ASAP3: variants seen among roughly 807,000 people sequenced by gnomAD.
ASAP3 encodes the protein ArfGAP with SH3 domain, ankyrin repeat and PH domain 3.
ASAP3 carries 85 observed loss-of-function variants against 118.2 expected under a neutral mutation model. That is an observed-to-expected ratio of 0.72 (90% CI 0.60 to 0.86). The LOEUF is 0.86. Ranked by LOEUF, ASAP3 falls within the 40% of genes least tolerant of loss-of-function variation. The pLI is 0.00. For synonymous variants in ASAP3, 432 were observed against 477.4 expected (o/e 0.90, Z 1.24); for missense variants, 1,026 against 1,175.0 (o/e 0.87, Z 1.85).
chr1:23,459,453 G>C (rs12083126), intron 1 of ASAP3, among the ~76,000 whole-genome samples: 5 of 152,022 alleles, frequency 3.3e-5, no homozygotes, highest in Non-Finnish European at 5.9e-5. Flanking sequence ...AGCCAGAGTC[G>C]ACAGACACCT....
chr1:23,438,226 T>A lies in ASAP3; in HGVS notation c.1102+521A>T, dbSNP rs950709602. 6.6e-6 allele frequency among the ~76,000 whole-genome samples: 1 copy of A among 152,086 alleles called. No individual in the cohort carries two copies. The highest frequency in any genetic ancestry group is 1.5e-5 in the Non-Finnish European group (1 of 68,006). ...CAGTGCAGGCCTTCCTGCTCCCTAA[T>A]CTTCTATGGGGCTATATCTGCACCC... On this transcript the variant is annotated intron_variant, in intron 12 of 24. Transcript: ENST00000336689. The surrounding 1 kb of genome is among the most constrained non-coding windows in gnomAD (Gnocchi z 4.9).
chr1:23,435,780 C>T (rs1570332239), intron 17 of ASAP3, 71 bp downstream of exon 17: 3 of 1,566,578 alleles, frequency 1.9e-6, no homozygotes, highest in East Asian at 4.5e-5. Context: ...GGAGTAACAG[C>T]TGGTCCTGGA....
intron 1 of ASAP3, among the ~76,000 whole-genome samples, chr1:23,478,832 G>A (rs749878855): frequency 2.0e-5 from 3 of 152,174 alleles, no homozygotes; most frequent in Non-Finnish European, 4.4e-5. Flanking sequence ...TTCTATACCT[G>A]AGAGTATGCA....
At chr1:23,483,075 G>A (rs1043453832) in intron 1 of ASAP3, among the ~76,000 whole-genome samples, 2 of 152,044 alleles carry the variant, frequency 1.3e-5, no homozygotes, top group South Asian at 2.1e-4. Flanking sequence ...CCTGACAAGA[G>A]AGAAGAGGAC....
chr1:23,437,401 G>A lies in ASAP3; in HGVS notation c.1151+23C>T. 2 of 1,613,170 alleles carry A rather than the reference G, an allele frequency of 1.2e-6. No homozygotes were observed. The highest frequency in any genetic ancestry group is 1.1e-5 in the South Asian group (1 of 91,006). On this transcript the variant is annotated intron_variant, in intron 13 of 24. Transcript: ENST00000336689. This position sits in a 1 kb window ranked among gnomAD's most constrained non-coding sequence, Gnocchi z 6.1. ...CCGGCCCCCACCCACAAGGCTGGCC[G>A]GGCTGGCCGAGGGGGCACTCACGCC...
intron 5 of ASAP3, among the ~76,000 whole-genome samples, chr1:23,447,394 G>A (rs1641080892): frequency 6.6e-6 from 1 of 152,098 alleles, no homozygotes; most frequent in African/African-American, 2.4e-5. Context: ...TTTTATCATA[G>A]GTACGTATAT....
Position 23,441,682 on chromosome 1 carries a change from G to A in ASAP3, c.720C>T (p.Ile240=), listed in dbSNP as rs756017345. ...WKAAQSLFPF[I]EKLAASVHAL... ...CATGTACTGAGGCCGCCAGCTTCTCGATGAAGGGGAACAGGCTCTGGGCAG... is the reference window on the plus strand; with the variant it reads ...CATGTACTGAGGCCGCCAGCTTCTCAATGAAGGGGAACAGGCTCTGGGCAG... Residue 240 remains isoleucine, a synonymous_variant, in exon 8 of 25, where the codon ATC becomes ATT. Transcript: ENST00000336689. 7.4e-6 allele frequency: 12 copies of A among 1,614,186 alleles called. No homozygotes were observed. The highest frequency in any genetic ancestry group is 1.3e-5 in the African/African-American group (1 of 75,036).
In ASAP3 at chr1:23,434,558, G is replaced by C; in HGVS notation, c.1810C>G (p.Leu604Val). ...CCGTTCTGGATGATGAAATCCACCA[G>C]AGGCAGGGAAGCCTGGTTGGCGACT... ...VKVANQASLP[L>V]VDFIIQNGGH... The change falls in exon 18 of 25, where the codon CTG (leucine) becomes GTG (valine). Residue 604 changes from leucine to valine, a missense_variant. Coordinates refer to ENST00000336689, the MANE Select transcript of ASAP3 (RefSeq NM_017707.4). The C allele has an allele frequency of 6.2e-7, 1 of 1,614,136 alleles. No homozygotes were observed. Among genetic ancestry groups the C allele is most frequent in the South Asian group, 1.1e-5 (1 of 91,068 alleles).
chr1:23,441,507 C>T, intron 8 of ASAP3, 34 bp from the exon 9 acceptor site: 1 of 1,612,252 alleles, frequency 6.2e-7, no homozygotes. Context: ...CATCACCAGC[C>T]AACAAATATG....
At chr1:23,475,505 C>A (rs1642099694) in intron 1 of ASAP3, among the ~76,000 whole-genome samples, 1 of 152,216 alleles carries the variant, frequency 6.6e-6, no homozygotes, top group Non-Finnish European at 1.5e-5. Flanking sequence ...GAATCATACT[C>A]TCTGGGAATG....
At chr1:23,474,935 G>T (rs1319154323) in intron 1 of ASAP3, among the ~76,000 whole-genome samples, 1 of 152,200 alleles carries the variant, frequency 6.6e-6, no homozygotes, top group African/African-American at 2.4e-5. Context: ...GGTTCAGGCA[G>T]CACCTGCATG....
intron 1 of ASAP3, among the ~76,000 whole-genome samples, chr1:23,473,973 TC>T (rs1411505464): frequency 6.5e-5 from 7 of 106,876 alleles, no homozygotes; most frequent in African/African-American, 1.1e-4. Context: ...TTAAATCTGC[TC>T]TTTTTTTTTT....
chr1:23,461,551 C>T (rs953504139), intron 1 of ASAP3, among the ~76,000 whole-genome samples: 1 of 151,980 alleles, frequency 6.6e-6, no homozygotes. Flanking sequence ...ATTCCAGCTA[C>T]TCAGGAGGCT....
rs769202082 is a variant in ASAP3 at position 23,468,953 on chromosome 1, CA to C, written c.130-12760del. Among the ~76,000 whole-genome samples, 174 of 119,398 alleles carry C rather than the reference CA, an allele frequency of 1.5e-3. No homozygotes were observed. In the East Asian group the frequency reaches 0.024, roughly 16 times the overall value. 78.3% of individuals were successfully genotyped at this position (119,398 alleles called of 152,430 possible). A position where few individuals can be genotyped will look rare whatever the true frequency, so the allele number is the denominator to read the frequency against. On this transcript the variant is annotated intron_variant, in intron 1 of 24. Coordinates refer to ENST00000336689, the MANE Select transcript of ASAP3 (RefSeq NM_017707.4). ...AAATATTTAACAAAATGATAAAGTACAAAAAAAAAAACAAAAAAAACCCAGG... is the reference window on the plus strand; with the variant it reads ...AAATATTTAACAAAATGATAAAGTACAAAAAAAAAACAAAAAAAACCCAGG...
At chr1:23,453,921 A>G (rs986048099) in intron 3 of ASAP3, among the ~76,000 whole-genome samples, 1 of 152,176 alleles carries the variant, frequency 6.6e-6, no homozygotes, top group Admixed American at 6.5e-5. Context: ...CCCCTGGTAC[A>G]ATGTCCACTA....
chr1:23,441,370 A>G lies in ASAP3; in HGVS notation c.834+17T>C. 1.2e-6 allele frequency: 2 copies of G among 1,613,582 alleles called. No individual in the cohort carries two copies. The highest frequency in any genetic ancestry group is 1.7e-6 in the Non-Finnish European group (2 of 1,179,774). On this transcript the variant is annotated intron_variant, in intron 9 of 24. Coordinates refer to ENST00000336689, the MANE Select transcript of ASAP3 (RefSeq NM_017707.4). ...CTTGGGGGAGGGCATTCCTTTTGGGATAGTTCAGGGGCTGACCTCTCTGCT... is the reference window on the plus strand; with the variant it reads ...CTTGGGGGAGGGCATTCCTTTTGGGGTAGTTCAGGGGCTGACCTCTCTGCT...
At chr1:23,467,718 G>A (rs1376328918) in intron 1 of ASAP3, among the ~76,000 whole-genome samples, 1 of 152,030 alleles carries the variant, frequency 6.6e-6, no homozygotes, top group African/African-American at 2.4e-5. Flanking sequence ...TTGGGAGGCA[G>A]AGGGAGGTGG....
At chr1:23,464,393 G>A (rs1275336471) in intron 1 of ASAP3, among the ~76,000 whole-genome samples, 1 of 151,646 alleles carries the variant, frequency 6.6e-6, no homozygotes, top group African/African-American at 2.4e-5. Flanking sequence ...CGCCATGTTG[G>A]CCAAGCTGGT....
At chr1:23,455,614 G>A (rs1374270468) in intron 3 of ASAP3, among the ~76,000 whole-genome samples, 2 of 152,194 alleles carry the variant, frequency 1.3e-5, no homozygotes, top group African/African-American at 2.4e-5. Flanking sequence ...TCCCTTGCAC[G>A]GGGCTCTTCC....
Sources: gnomAD v4.1 joint callset for allele counts (sites outside exome capture counted in the v4.1 genomes callset) on GRCh38, gnomAD v4.1.1 for gene constraint, Gnocchi (gnomAD v3.1) non-coding constraint, MANE v1.5 for transcripts, NCBI Gene and HGNC (gene_info 2026-07-23, HGNC 2026-07-21) for gene names.